Variants in UNC13A observed in about 807,000 individuals in gnomAD.
UNC13A encodes unc-13 homolog A.
Under a neutral mutation model 219.7 loss-of-function variants are expected in UNC13A, and 61 were observed. The ratio of observed to expected loss-of-function variants is 0.28; its 90% CI spans 0.23 to 0.34. UNC13A has a LOEUF of 0.34. UNC13A is among the 10% of genes least tolerant of loss of function. The pLI is 1.00. For synonymous variants in UNC13A, 920 were observed against 884.6 expected (o/e 1.04, Z -0.71); for missense variants, 1,476 against 2,270.3 (o/e 0.65, Z 7.11).
At chr19:17,630,394 G>A (rs759030382) in intron 29 of UNC13A, 106 bp from the exon 30 acceptor site, 109 of 1,488,078 alleles carry the variant, frequency 7.3e-5, no homozygotes, top group Middle Eastern at 6.9e-4. Flanking sequence ...CAATTTCCCC[G>A]GGGTGAGATG....
chr19:17,678,123 A>T (rs1178606942), intron 1 of UNC13A, among the ~76,000 whole-genome samples: 2 of 152,174 alleles, frequency 1.3e-5, no homozygotes, highest in African/African-American at 4.8e-5. Flanking sequence ...GAGTGGAGCC[A>T]GTGAAGAGAG....
chr19:17,652,505 A>G (rs1456647662), intron 12 of UNC13A, 126 bp downstream of exon 12: 3 of 1,196,384 alleles, frequency 2.5e-6, no homozygotes, highest in African/African-American at 3.0e-5. Context: ...ATTTTGCCCA[A>G]GCTCAATCTG....
rs866378892 is a variant in UNC13A, at chr19:17,606,250, T to C, written c.4916A>G (p.Gln1639Arg). Residue 1639 changes from glutamine (Q) to arginine (R), a missense_variant, in exon 44 of 44, where the codon CAG (glutamine) becomes CGG (arginine). By Grantham distance (43) the Gln-to-Arg change is conservative. Transcript: ENST00000519716. ...CCCGCGCTGGGCCAGCTCACGCAGC[T>C]GCAGCACGGCCAGCCCCACCGTGCG... ...EDRTVGLAVL[Q>R]LRELAQRGSA... 1 of 1,548,002 alleles carries C rather than the reference T, an allele frequency of 6.5e-7. No homozygotes were observed.
intron 1 of UNC13A, among the ~76,000 whole-genome samples, chr19:17,677,729 T>C (rs1008669259): frequency 1.3e-5 from 2 of 152,146 alleles, no homozygotes. Context: ...TTTGTTTGTG[T>C]AGGCAATGCA....
chr19:17,683,579 A>C (rs1420593767), intron 1 of UNC13A, among the ~76,000 whole-genome samples: 124 of 150,954 alleles, frequency 8.2e-4, no homozygotes, highest in African/African-American at 2.9e-3. Context: ...AATCGCTTGA[A>C]CTTGGAAGGT....
intron 43 of UNC13A, 100 bp downstream of exon 43, chr19:17,609,840 G>A (rs2076582582): frequency 1.3e-6 from 2 of 1,537,738 alleles, no homozygotes; most frequent in Non-Finnish European, 1.8e-6. Context: ...CCCATTCCCG[G>A]GCCCAGATTC....
intron 31 of UNC13A, chr19:17,628,308 AGGCG>A: frequency 2.3e-5 from 5 of 220,450 alleles, no homozygotes; most frequent in South Asian, 8.7e-5. Context: ...GACACACTGA[AGGCG>A]TGTGCCCTCA....
chr19:17,621,268 G>T (rs186049808), intron 37 of UNC13A, among the ~76,000 whole-genome samples: 1 of 152,204 alleles, frequency 6.6e-6, no homozygotes, highest in Non-Finnish European at 1.5e-5. Flanking sequence ...GGGTGCCTGG[G>T]ACACTGAATG....
intron 11 of UNC13A, among the ~76,000 whole-genome samples, chr19:17,653,632 A>T (rs766281095): frequency 6.6e-6 from 1 of 151,702 alleles, no homozygotes; most frequent in Non-Finnish European, 1.5e-5. Context: ...TACAGGCGTG[A>T]GCCACTGCAT....
intron 26 of UNC13A, among the ~76,000 whole-genome samples, chr19:17,633,448 A>T (rs1377542193): frequency 6.6e-6 from 1 of 151,982 alleles, no homozygotes; most frequent in East Asian, 1.9e-4. Flanking sequence ...TCAACAACTC[A>T]TTTATCTATT....
intron 41 of UNC13A, 37 bp downstream of exon 41, chr19:17,617,665 G>A (rs2076681515): frequency 6.2e-7 from 1 of 1,603,296 alleles, no homozygotes; most frequent in Non-Finnish European, 8.5e-7. Flanking sequence ...CTGTCTCCGC[G>A]GAGCGGGAAA....
At chr19:17,640,942 A>C (rs1471849456) in intron 21 of UNC13A, among the ~76,000 whole-genome samples, 1 of 146,862 alleles carries the variant, frequency 6.8e-6, no homozygotes, top group Non-Finnish European at 1.5e-5. Context: ...TTAGTGGCGC[A>C]ATCTCGGCTC....
At chr19:17,646,669 G>A (rs2077030479) in intron 17 of UNC13A, among the ~76,000 whole-genome samples, 1 of 151,940 alleles carries the variant, frequency 6.6e-6, no homozygotes, top group Non-Finnish European at 1.5e-5. Flanking sequence ...CTGCTCGTTG[G>A]TGCCCCCTGC....
intron 1 of UNC13A, among the ~76,000 whole-genome samples, chr19:17,687,747 TC>T (rs2080141702): frequency 6.6e-6 from 1 of 151,732 alleles, no homozygotes; most frequent in Non-Finnish European, 1.5e-5. Flanking sequence ...CGGGTCCGCG[TC>T]CATGAGGACC....
intron 1 of UNC13A, among the ~76,000 whole-genome samples, chr19:17,686,631 T>C (rs2080117434): frequency 6.6e-6 from 1 of 151,822 alleles, no homozygotes; most frequent in South Asian, 2.1e-4. Flanking sequence ...GAGTTGACCT[T>C]TGACTCTAGG....
chr19:17,669,794 CCTCT>C (rs1377126664), intron 4 of UNC13A, 118 bp from the exon 5 acceptor site: 2 of 1,151,354 alleles, frequency 1.7e-6, no homozygotes, highest in East Asian at 2.7e-5. Flanking sequence ...AGTCATGTCC[CCTCT>C]CTATCTTTCC....
At chr19:17,668,519 C>G (rs949757737) in intron 5 of UNC13A, among the ~76,000 whole-genome samples, 1 of 152,196 alleles carries the variant, frequency 6.6e-6, no homozygotes, top group Non-Finnish European at 1.5e-5. Context: ...CGGAGTCTCA[C>G]TCTGTTGCCC....
chr19:17,655,183 T>C, intron 11 of UNC13A, 91 bp downstream of exon 11: 2 of 1,055,026 alleles, frequency 1.9e-6, no homozygotes, highest in South Asian at 1.3e-5. Flanking sequence ...GTGGCCAATA[T>C]AGGTGTGGGT....
chr19:17,669,573 G>A lies in UNC13A; in HGVS notation c.374C>T (p.Thr125Met), dbSNP rs939817904. 9 of 1,613,634 alleles carry A rather than the reference G, an allele frequency of 5.6e-6. No homozygotes were observed. The highest frequency in any genetic ancestry group is 4.5e-5 in the East Asian group (2 of 44,876). Residue 125 changes from threonine (T) to methionine (M), a missense_variant, in exon 5 of 44, where the codon ACG becomes ATG. Thr to Met is a moderately conservative substitution (Grantham distance 81). Coordinates refer to ENST00000519716, the MANE Select transcript of UNC13A (RefSeq NM_001080421.3). The stretch of plus-strand genomic sequence containing the variant: ...CTCACCTAAGGGTAGCTCAAAGCGC[G>A]TGTCCAGGAGGATGCGGTGGAAGGT... ...DPTFHRILLD[T>M]RFELPLDIPE...
Sources: allele counts gnomAD v4.1 joint callset (sites outside exome capture counted in the v4.1 genomes callset), GRCh38; gene constraint gnomAD v4.1.1; transcripts MANE v1.5; gene names NCBI Gene and HGNC (gene_info 2026-07-23, HGNC 2026-07-21).